DPP10: variants seen among roughly 807,000 people sequenced by gnomAD.
DPP10 encodes dipeptidyl peptidase like 10, also known as inactive dipeptidyl peptidase 10.
A neutral mutation model predicts 120.9 loss-of-function variants in DPP10; 33 were observed. That is an observed-to-expected ratio of 0.27 (90% CI 0.21 to 0.37). The LOEUF is 0.37. DPP10 is among the 10% of genes least tolerant of loss of function. DPP10 has a pLI of 1.00. For missense variants in DPP10, 816 were observed against 942.8 expected, an observed-to-expected ratio of 0.87 and a Z score of 1.76; for synonymous variants, 337 against 326.1, an observed-to-expected ratio of 1.03 and a Z score of -0.36.
chr2:114,577,505 A>G (rs1319046790), intron 1 of DPP10, among the ~76,000 whole-genome samples: 1 of 152,210 alleles, frequency 6.6e-6, no homozygotes, highest in African/African-American at 2.4e-5. Flanking sequence ...AGCTGCTGCC[A>G]TTGATGACGA....
chr2:114,872,283 C>A (rs180706721), intron 1 of DPP10, among the ~76,000 whole-genome samples: 7 of 152,140 alleles, frequency 4.6e-5, no homozygotes, highest in Non-Finnish European at 1.0e-4. Flanking sequence ...AAGTGCTCAG[C>A]GGAGGGGGAG....
intron 5 of DPP10, among the ~76,000 whole-genome samples, chr2:115,592,250 G>A (rs1421714138): frequency 6.6e-6 from 1 of 152,158 alleles, no homozygotes; most frequent in East Asian, 1.9e-4. Context: ...CTCAGAGCAT[G>A]CCCCACAACA....
chr2:114,682,786 A>G (rs901598982), intron 1 of DPP10, among the ~76,000 whole-genome samples: 7 of 150,250 alleles, frequency 4.7e-5, no homozygotes, highest in Admixed American at 6.6e-5. Context: ...CTATCTATCT[A>G]TCTATCTATC....
chr2:114,965,921 GC>G (rs1395242906), intron 1 of DPP10, among the ~76,000 whole-genome samples: 1 of 120,722 alleles, frequency 8.3e-6, no homozygotes, highest in Non-Finnish European at 1.6e-5. Flanking sequence ...AGCCGAGATC[GC>G]CCCACTGCAC....
intron 1 of DPP10, among the ~76,000 whole-genome samples, chr2:114,564,806 A>G (rs1689073666): frequency 6.6e-6 from 1 of 152,230 alleles, no homozygotes; most frequent in South Asian, 2.1e-4. Flanking sequence ...CCAACCATTG[A>G]TAAACTGGTA....
chr2:114,681,539 A>G (rs896557605), intron 1 of DPP10, among the ~76,000 whole-genome samples: 3 of 152,052 alleles, frequency 2.0e-5, no homozygotes, highest in African/African-American at 7.2e-5. Flanking sequence ...GATTCTCATT[A>G]CAACTGTATT....
chr2:114,872,496 C>A (rs1372899340), intron 1 of DPP10, among the ~76,000 whole-genome samples: 1 of 152,114 alleles, frequency 6.6e-6, no homozygotes, highest in Admixed American at 6.6e-5. Flanking sequence ...TATCAAAACC[C>A]TTTTAGTAGG....
At chr2:115,126,473 A>C (rs1205971994) in intron 1 of DPP10, among the ~76,000 whole-genome samples, 1 of 152,152 alleles carries the variant, frequency 6.6e-6, no homozygotes, top group Non-Finnish European at 1.5e-5. Context: ...CTTTCTGTCC[A>C]CCCGGAGTAG....
At chr2:114,580,987 C>A (rs1053333843) in intron 1 of DPP10, among the ~76,000 whole-genome samples, 3 of 151,782 alleles carry the variant, frequency 2.0e-5, no homozygotes, top group African/African-American at 7.3e-5. Flanking sequence ...AAAAAGGGAC[C>A]AAAAGATTAC....
Position 115,753,247 on chromosome 2 carries a change from A to G in DPP10, c.1024A>G (p.Asn342Asp). The change falls in exon 11 of 26, where the codon AAC (asparagine) becomes GAC (aspartate). Residue 342 changes from asparagine (N) to aspartate (D), a missense_variant. Around this residue, in one of 3 missense-constraint regions of DPP10, gnomAD observed 592 missense variants for 649.0 expected, o/e 0.91. Coordinates refer to ENST00000410059, the MANE Select transcript of DPP10 (RefSeq NM_020868.6). ...TVVRWLNRAQ[N>D]ISILTVCETT... Reference sequence around the variant, plus strand: ...GGTAAGATGGTTAAACCGAGCTCAGAACATCTCCATCCTCACAGTCTGTGA... The same window carrying G: ...GGTAAGATGGTTAAACCGAGCTCAGGACATCTCCATCCTCACAGTCTGTGA... 1.2e-6 allele frequency: 2 copies of G among 1,612,168 alleles called. No individual in the cohort carries two copies. The highest frequency in any genetic ancestry group is 1.7e-6 in the Non-Finnish European group (2 of 1,178,724).
intron 1 of DPP10, among the ~76,000 whole-genome samples, chr2:114,585,149 A>G (rs145697252): frequency 1.4e-4 from 22 of 152,226 alleles, no homozygotes; most frequent in African/African-American, 4.6e-4. Flanking sequence ...CTGGAATGAG[A>G]ATATCATATG....
chr2:114,670,687 A>G (rs1448405526), intron 1 of DPP10, among the ~76,000 whole-genome samples: 1 of 152,198 alleles, frequency 6.6e-6, no homozygotes, highest in Non-Finnish European at 1.5e-5. Flanking sequence ...TAATAATAAT[A>G]AGAAAAATTA....
At chr2:115,558,286 G>A (rs1051168853) in intron 5 of DPP10, among the ~76,000 whole-genome samples, 2 of 152,118 alleles carry the variant, frequency 1.3e-5, no homozygotes, top group East Asian at 1.9e-4. Flanking sequence ...GTGCCATAGT[G>A]TATGAAATAG....
chr2:114,745,118 C>T (rs144601888), intron 1 of DPP10, among the ~76,000 whole-genome samples: 18 of 152,278 alleles, frequency 1.2e-4, no homozygotes, highest in African/African-American at 4.3e-4. Flanking sequence ...GATCCCTGAT[C>T]AAGAATATCT....
intron 13 of DPP10, 97 bp from the exon 14 acceptor site, chr2:115,777,111 G>C: frequency 9.8e-7 from 1 of 1,021,390 alleles, no homozygotes; most frequent in Non-Finnish European, 1.5e-6. Context: ...CTGAGAATTA[G>C]AGAATTCGAA....
intron 21 of DPP10, among the ~76,000 whole-genome samples, chr2:115,822,478 A>G (rs1687909589): frequency 6.6e-6 from 1 of 152,004 alleles, no homozygotes; most frequent in Admixed American, 6.5e-5. Flanking sequence ...TATCTTTTCT[A>G]AAAAGAAAAT....
intron 2 of DPP10, among the ~76,000 whole-genome samples, chr2:115,324,595 AG>A (rs906650398): frequency 2.4e-4 from 36 of 152,292 alleles, no homozygotes; most frequent in African/African-American, 8.4e-4. Context: ...CTTAAGGGAA[AG>A]GTGTGGCTAG....
chr2:114,815,903 T>C (rs1057228228), intron 1 of DPP10, among the ~76,000 whole-genome samples: 1 of 151,908 alleles, frequency 6.6e-6, no homozygotes, highest in African/African-American at 2.4e-5. Context: ...TTTTTCCACT[T>C]CTAAAATGAG....
chr2:115,452,507 A>G (rs148150165), intron 3 of DPP10, among the ~76,000 whole-genome samples: 1 of 151,990 alleles, frequency 6.6e-6, no homozygotes, highest in East Asian at 1.9e-4. Context: ...GATAATGATG[A>G]CACGTATGGT....
Sources: gnomAD v4.1 joint callset for allele counts (sites outside exome capture counted in the v4.1 genomes callset) on GRCh38, gnomAD v4.1.1 for gene constraint, gnomAD v4.1.1 regional missense constraint, MANE v1.5 for transcripts, NCBI Gene and HGNC (gene_info 2026-07-23, HGNC 2026-07-21) for gene names.